NFIB: variants seen among roughly 807,000 people sequenced by gnomAD.
The protein encoded by NFIB is nuclear factor I B.
NFIB carries 11 observed loss-of-function variants against 61.5 expected under a neutral mutation model. The ratio of observed to expected loss-of-function variants is 0.18; its 90% CI spans 0.11 to 0.30. NFIB has a LOEUF of 0.30. Ranked by LOEUF, NFIB falls within the 10% of genes least tolerant of loss-of-function variation. NFIB has a pLI of 1.00. For missense variants in NFIB, 471 were observed against 608.9 expected (o/e 0.77, Z 2.38); for synonymous variants, 260 against 216.5 (o/e 1.20, Z -1.76).
Position 14,183,587 on chromosome 9 carries a change from T to C in NFIB, c.563-3807A>G, listed in dbSNP as rs1328270108. Among the ~76,000 whole-genome samples the C allele has an allele frequency of 3.3e-5, 5 of 151,944 alleles. No homozygotes were observed. In the South Asian group the frequency reaches 6.2e-4, roughly 19 times the overall value. Reference sequence around the variant, plus strand: ...CCCAGCTAGTTTTTGTATTTTTTGGTAGAGACGGGGTTTCACCATGTTGGT... The same window carrying C: ...CCCAGCTAGTTTTTGTATTTTTTGGCAGAGACGGGGTTTCACCATGTTGGT... On this transcript the variant is annotated intron_variant, in intron 2 of 10. Coordinates refer to ENST00000380953, the MANE Select transcript of NFIB (RefSeq NM_001190737.2).
chr9:14,416,074 GA>G, the NFIB span, among the ~76,000 whole-genome samples: 3 of 151,982 alleles, frequency 2.0e-5, no homozygotes, highest in Admixed American at 2.0e-4. Context: ...ATAAACCTAA[GA>G]AAAAAAGTCT....
the NFIB span, among the ~76,000 whole-genome samples, chr9:14,425,632 G>A: frequency 5.4e-5 from 2 of 36,984 alleles, no homozygotes; most frequent in African/African-American, 1.9e-4. Context: ...TTTTTTTTTT[G>A]CTATCCACTG....
At chr9:14,478,638 T>G in the NFIB span, among the ~76,000 whole-genome samples, 2 of 152,224 alleles carry the variant, frequency 1.3e-5, no homozygotes, top group East Asian at 3.8e-4. Flanking sequence ...ATGAATAACA[T>G]TTCAGGGAAC....
chr9:14,172,117 TG>T (rs1469361161), intron 3 of NFIB, among the ~76,000 whole-genome samples: 4 of 152,182 alleles, frequency 2.6e-5, no homozygotes, highest in Admixed American at 2.6e-4. Flanking sequence ...CCACTGGTCA[TG>T]GATTTAATGA....
the NFIB span, among the ~76,000 whole-genome samples, chr9:14,408,666 G>A: frequency 2.0e-5 from 3 of 152,150 alleles, no homozygotes; most frequent in Non-Finnish European, 4.4e-5. Flanking sequence ...AACGAAAGTT[G>A]GATGTTTTAT....
intron 2 of NFIB, among the ~76,000 whole-genome samples, chr9:14,203,418 T>G (rs2049276985): frequency 6.6e-6 from 1 of 152,210 alleles, no homozygotes; most frequent in Non-Finnish European, 1.5e-5. Context: ...GCTGCCAAAT[T>G]AAATGTTTAC....
intron 1 of NFIB, among the ~76,000 whole-genome samples, chr9:14,352,280 A>G (rs950058813): frequency 1.3e-5 from 2 of 150,996 alleles, no homozygotes; most frequent in Non-Finnish European, 2.9e-5. Flanking sequence ...TTGGTGATGT[A>G]TTTGTATATA....
At chr9:14,171,262 T>C (rs1183456333) in intron 3 of NFIB, among the ~76,000 whole-genome samples, 2 of 152,194 alleles carry the variant, frequency 1.3e-5, no homozygotes, top group African/African-American at 4.8e-5. Flanking sequence ...TCCCTTCCTT[T>C]CCCCTTCTTC....
rs73415731 is a variant in NFIB, at chr9:14,231,275, T to A, written c.563-51495A>T. The stretch of plus-strand genomic sequence containing the variant: ...AACTATTTGCTCCTGAATTTATCTG[T>A]ATGAGCAAGTATGTGTGAGAGAGAC... On this transcript the variant is annotated intron_variant, in intron 2 of 10. Coordinates refer to ENST00000380953, the MANE Select transcript of NFIB (RefSeq NM_001190737.2). Among the ~76,000 whole-genome samples the A allele has an allele frequency of 4.1e-3, 626 of 151,158 alleles. 2 individuals are homozygous for A. The highest frequency in any genetic ancestry group is 0.014 in the African/African-American group (578 of 41,100).
chr9:14,317,993 A>G (rs182659945), upstream of NFIB, among the ~76,000 whole-genome samples: 29 of 152,230 alleles, frequency 1.9e-4, no homozygotes, highest in Middle Eastern at 3.4e-3. Context: ...CACTTCTTAA[A>G]CTTTGGTACT....
chr9:14,301,130 A>G (rs2059726066), intron 2 of NFIB, among the ~76,000 whole-genome samples: 1 of 152,158 alleles, frequency 6.6e-6, no homozygotes, highest in Admixed American at 6.5e-5. Flanking sequence ...AAAGAACTAA[A>G]GCTGTAGCAA....
the NFIB span, among the ~76,000 whole-genome samples, chr9:14,472,510 A>G: frequency 6.6e-6 from 1 of 152,200 alleles, no homozygotes; most frequent in South Asian, 2.1e-4. Flanking sequence ...TATTCTGTAA[A>G]GCTTTATTTT....
chr9:14,130,713 G>A (rs2040300822), intron 6 of NFIB, among the ~76,000 whole-genome samples: 2 of 152,080 alleles, frequency 1.3e-5, no homozygotes, highest in South Asian at 4.1e-4. Flanking sequence ...AGAAAGAAGA[G>A]GTAAAGCAGG....
At chr9:14,231,136 ATATATATATATATATATATAT>A (rs1459536287) in intron 2 of NFIB, among the ~76,000 whole-genome samples, 15 of 20,876 alleles carry the variant, frequency 7.2e-4, no homozygotes, top group Admixed American at 2.3e-3. Context: ...AAAAAAAAAA[ATATATATATATATATATATAT>A]ATATATATAT....
rs915337375 is a variant in NFIB at position 14,086,870 on chromosome 9, A to C, written c.*1439T>G. 2.5e-5 allele frequency: 5 copies of C among 203,954 alleles called. No individual in the cohort carries two copies. Among genetic ancestry groups the C allele is most frequent in the Non-Finnish European group, 5.0e-5 (5 of 99,416 alleles). The allele number at this position is 203,954 out of a possible 1,614,324, so 12.6% of individuals were successfully genotyped here. ...CTTCGTGCAAATTAGGATTACTGGA[A>C]AGAGTATTTTTAATTAAAATTTTAA... On this transcript the variant is annotated 3_prime_UTR_variant, in exon 11 of 11. Transcript: ENST00000380953.
intron 2 of NFIB, among the ~76,000 whole-genome samples, chr9:14,227,155 A>AG (rs1587757911): frequency 1.3e-5 from 2 of 151,702 alleles, no homozygotes; most frequent in Non-Finnish European, 2.9e-5. Flanking sequence ...AAAAAAAAAA[A>AG]AAAGAAAGAA....
intron 1 of NFIB, among the ~76,000 whole-genome samples, chr9:14,388,484 AAAG>A (rs2061581670): frequency 6.7e-6 from 1 of 149,724 alleles, no homozygotes; most frequent in African/African-American, 2.5e-5. Context: ...AGAGAGAGAG[AAAG>A]AGAGAGAGAG....
chr9:14,315,485 C>G (rs564884673), upstream of NFIB, among the ~76,000 whole-genome samples: 2 of 147,084 alleles, frequency 1.4e-5, no homozygotes, highest in African/African-American at 4.9e-5. Context: ...CGGCGGAAAG[C>G]GTCTCCCTAC....
At chr9:14,432,547 C>T in the NFIB span, among the ~76,000 whole-genome samples, 1 of 152,210 alleles carries the variant, frequency 6.6e-6, no homozygotes, top group African/African-American at 2.4e-5. Context: ...TGGGCTTATT[C>T]TGTTTTAATG....
Sources: allele counts gnomAD v4.1 joint callset (sites outside exome capture counted in the v4.1 genomes callset), GRCh38; gene constraint gnomAD v4.1.1; transcripts MANE v1.5; gene names NCBI Gene and HGNC (gene_info 2026-07-23, HGNC 2026-07-21).